Variants in FAM149B1 observed in about 807,000 individuals in gnomAD.
FAM149B1 encodes the protein primary cilium assembly protein FAM149B1.
In FAM149B1, 56 loss-of-function variants were observed where a neutral mutation model predicts 75.3. The observed-to-expected ratio is 0.74, with a 90% CI of 0.60 to 0.93. The LOEUF (loss-of-function observed/expected upper bound fraction) is 0.93, where lower values mean the gene tolerates loss of function less well. FAM149B1 is among the 40% of genes least tolerant of loss of function. FAM149B1 has a pLI of 0.00. For synonymous variants in FAM149B1, 259 were observed against 256.1 expected (o/e 1.01, Z -0.11); for missense variants, 639 against 708.4 (o/e 0.90, Z 1.11).
At chr10:73,206,037 C>G (rs1477557075) in intron 5 of FAM149B1, among the ~76,000 whole-genome samples, 1 of 152,092 alleles carries the variant, frequency 6.6e-6, no homozygotes, top group African/African-American at 2.4e-5. Flanking sequence ...TTCTTAGAGA[C>G]CAGTTAAATG....
At chr10:73,205,899 G>A (rs1027372778) in intron 5 of FAM149B1, among the ~76,000 whole-genome samples, 5 of 152,176 alleles carry the variant, frequency 3.3e-5, no homozygotes, top group African/African-American at 9.7e-5. Flanking sequence ...CAGAACACTG[G>A]TACCAAGGAA....
intron 3 of FAM149B1, among the ~76,000 whole-genome samples, chr10:73,191,701 A>C (rs2042688928): frequency 6.6e-6 from 1 of 152,190 alleles, no homozygotes; most frequent in African/African-American, 2.4e-5. Context: ...GTCAAGTGAA[A>C]GATGCAGTAT....
Position 73,243,926 on chromosome 10 carries a change from G to C in FAM149B1, c.*2907G>C. ...ATTTCTGCTTCTTTGGCCTCTTCCT[G>C]AGCCTGAAACAGGAACTCACATGAG... is the stretch of plus-strand genomic sequence containing the variant. On this transcript the variant is annotated 3_prime_UTR_variant, in exon 14 of 14. Coordinates refer to ENST00000242505, the MANE Select transcript of FAM149B1 (RefSeq NM_173348.2). 6.2e-7 allele frequency: 1 copy of C among 1,613,898 alleles called. No homozygotes were observed. The highest frequency in any genetic ancestry group is 8.5e-7 in the Non-Finnish European group (1 of 1,179,958).
chr10:73,168,255 G>A lies in FAM149B1; in HGVS notation c.-85G>A, dbSNP rs1843533577. ...CGGGAGGGGCCGGGCCGGAGCCGGC[G>A]GGAGGGCCAGGCCCGGAGGCCCCCA... On this transcript the variant is annotated 5_prime_UTR_variant, in exon 1 of 14. Transcript: ENST00000242505. The A allele has an allele frequency of 6.9e-7, 1 of 1,457,508 alleles. No homozygotes were observed. The highest frequency in any genetic ancestry group is 9.3e-7 in the Non-Finnish European group (1 of 1,078,170). The allele number at this position is 1,457,508 out of a possible 1,614,324, so 90.3% of individuals were successfully genotyped here.
At chr10:73,238,280 G>A (rs1040593405) in intron 12 of FAM149B1, among the ~76,000 whole-genome samples, 21 of 152,338 alleles carry the variant, frequency 1.4e-4, no homozygotes, top group Middle Eastern at 3.4e-3. Context: ...CCAGGAGGCA[G>A]AGGTTGCAGT....
At position 73,210,571 on chromosome 10, in the gene FAM149B1, C is replaced by T. The variant is rs2043165415; in HGVS notation, c.898+133C>T. 4 of 580,732 alleles carry T rather than the reference C, an allele frequency of 6.9e-6. No homozygotes were observed. In the South Asian group the frequency reaches 1.2e-4, roughly 17 times the overall value. The allele number at this position is 580,732 out of a possible 1,614,324, so 36.0% of individuals were successfully genotyped here. On this transcript the variant is annotated intron_variant, in intron 7 of 13. Coordinates refer to ENST00000242505, the MANE Select transcript of FAM149B1 (RefSeq NM_173348.2). Reference sequence around the variant, plus strand: ...AGGCACAGTGGCTTATGCCTATAATCCAAACACTTTGGGAGGCCAAGGGGA... The same window carrying T: ...AGGCACAGTGGCTTATGCCTATAATTCAAACACTTTGGGAGGCCAAGGGGA...
At position 73,186,454 on chromosome 10, in the gene FAM149B1, A is replaced by G. The variant is rs1289958037; in HGVS notation, c.283-6102A>G. Among the ~76,000 whole-genome samples, 7 of 152,322 alleles carry G rather than the reference A, an allele frequency of 4.6e-5. No homozygotes were observed. The East Asian group carries it at 1.4e-3, about 29-fold the overall frequency. ...CAAGGTAAGGATGTCCACTCTTGCC[A>G]CTTCTATTCAGCATTGTATTGGAGC... On this transcript the variant is annotated intron_variant, in intron 3 of 13. Transcript: ENST00000242505.
rs1018302202 is a variant in FAM149B1 at position 73,168,323 on chromosome 10, GGAGGAGGAGGAGGAGGAT to G, written c.-14_4del. The stretch of plus-strand genomic sequence containing the variant: ...CGGCCGCGGCTGAGGAGGAGGAGGA[GGAGGAGGAGGAGGAGGAT>G]GATCTCCAGATACACTCGGAAGGCG... On this transcript the variant is annotated start_lost and 5_prime_UTR_variant, in exon 1 of 14. Coordinates refer to ENST00000242505, the MANE Select transcript of FAM149B1 (RefSeq NM_173348.2). The G allele has an allele frequency of 3.2e-6, 5 of 1,548,632 alleles. No homozygotes were observed. The highest frequency in any genetic ancestry group is 2.0e-5 in the Admixed American group (1 of 50,938).
chr10:73,230,635 A>C, intron 9 of FAM149B1, 110 bp downstream of exon 9: 4 of 635,206 alleles, frequency 6.3e-6, no homozygotes, highest in Non-Finnish European at 1.1e-5. Context: ...AACCACAAAA[A>C]CTCCTGGGGA....
At chr10:73,203,667 T>A (rs2042989204) in intron 5 of FAM149B1, among the ~76,000 whole-genome samples, 2 of 150,976 alleles carry the variant, frequency 1.3e-5, no homozygotes, top group Non-Finnish European at 2.9e-5. Context: ...TGAGATAGGG[T>A]CTCACTCTGT....
intron 5 of FAM149B1, among the ~76,000 whole-genome samples, chr10:73,198,030 G>A (rs2042849251): frequency 6.6e-6 from 1 of 152,130 alleles, no homozygotes; most frequent in African/African-American, 2.4e-5. Context: ...ATCATTAAAA[G>A]AATGGAGAGC....
At chr10:73,180,875 C>A (rs574528195) in intron 3 of FAM149B1, among the ~76,000 whole-genome samples, 4 of 152,074 alleles carry the variant, frequency 2.6e-5, no homozygotes, top group South Asian at 2.1e-4. Flanking sequence ...TTTTTGTACC[C>A]AATAACCACC....
chr10:73,204,944 A>ATTTTT (rs71021549), intron 5 of FAM149B1, among the ~76,000 whole-genome samples: 3 of 36,606 alleles, frequency 8.2e-5, no homozygotes, highest in Admixed American at 4.8e-4. Flanking sequence ...TGCCTGGCTA[A>ATTTTT]TTTTTTTTTT....
chr10:73,226,409 G>T (rs796734289), intron 7 of FAM149B1, among the ~76,000 whole-genome samples: 47 of 152,246 alleles, frequency 3.1e-4, no homozygotes, highest in African/African-American at 1.0e-3. Flanking sequence ...GGAGGCTGAG[G>T]CAGGAGAATG....
intron 5 of FAM149B1, 21 bp downstream of exon 5, chr10:73,193,614 G>C (rs780001059): frequency 1.4e-5 from 21 of 1,546,686 alleles, no homozygotes; most frequent in Non-Finnish European, 1.7e-5. Context: ...CATTATGTAA[G>C]TACTTCAATG....
intron 7 of FAM149B1, among the ~76,000 whole-genome samples, chr10:73,220,532 A>T (rs2043388394): frequency 6.6e-6 from 1 of 152,200 alleles, no homozygotes; most frequent in Non-Finnish European, 1.5e-5. Context: ...TCAGCTGATG[A>T]ATGAACAAAA....
At chr10:73,225,290 G>A (rs2043513577) in intron 7 of FAM149B1, among the ~76,000 whole-genome samples, 1 of 152,220 alleles carries the variant, frequency 6.6e-6, no homozygotes, top group Non-Finnish European at 1.5e-5. Flanking sequence ...TACCACAGGA[G>A]ATGACAGCTC....
At chr10:73,173,384 A>G (rs12261221) in intron 1 of FAM149B1, among the ~76,000 whole-genome samples, 15,535 of 152,180 alleles carry the variant, frequency 0.1, 1,165 homozygotes, top group East Asian at 0.3. Flanking sequence ...TTTCTATGCA[A>G]TTTGGTCCCA....
At chr10:73,174,127 G>A (rs1228052157) in intron 1 of FAM149B1, among the ~76,000 whole-genome samples, 1 of 152,090 alleles carries the variant, frequency 6.6e-6, no homozygotes. Context: ...GTGAACATTT[G>A]TATACAGATT....
Sources: gnomAD v4.1 joint callset for allele counts (sites outside exome capture counted in the v4.1 genomes callset) on GRCh38, gnomAD v4.1.1 for gene constraint, MANE v1.5 for transcripts, NCBI Gene and HGNC (gene_info 2026-07-23, HGNC 2026-07-21) for gene names.